LRFN5: variants seen among roughly 807,000 people sequenced by gnomAD.
LRFN5 encodes leucine-rich repeat and fibronectin type-III domain-containing protein 5.
In LRFN5, 24 loss-of-function variants were observed where a neutral mutation model predicts 45.6. The observed-to-expected ratio is 0.53, with a 90% CI of 0.38 to 0.74. The LOEUF (loss-of-function observed/expected upper bound fraction) is 0.74, where lower values mean the gene tolerates loss of function less well. Ranked by LOEUF, LRFN5 falls within the 30% of genes least tolerant of loss-of-function variation. The pLI is 0.00. For synonymous variants in LRFN5, 340 were observed against 313.8 expected, an observed-to-expected ratio of 1.08 and a Z score of -0.88; for missense variants, 776 against 861.5, an observed-to-expected ratio of 0.90 and a Z score of 1.24.
chr14:41,757,521 T>G (rs1480253568), intron 1 of LRFN5, among the ~76,000 whole-genome samples: 5 of 152,170 alleles, frequency 3.3e-5, no homozygotes, highest in Admixed American at 3.3e-4. Context: ...GTGCTAGCAA[T>G]GAGTGAGGCT....
intron 4 of LRFN5, chr14:41,893,043 C>T (rs1890835030): frequency 3.0e-6 from 3 of 984,420 alleles, no homozygotes; most frequent in Admixed American, 6.2e-5. Context: ...TCATAAAAGT[C>T]ATTGCTCATT....
At chr14:41,654,457 T>C (rs1355000775) in intron 1 of LRFN5, among the ~76,000 whole-genome samples, 1 of 151,892 alleles carries the variant, frequency 6.6e-6, no homozygotes, top group Non-Finnish European at 1.5e-5. Context: ...ATTAAATCCA[T>C]AGGAAACTGG....
chr14:41,886,544 G>T, intron 2 of LRFN5, 62 bp from the exon 3 acceptor site: 1 of 1,051,564 alleles, frequency 9.5e-7, no homozygotes. Context: ...TATTCTAGTA[G>T]GAATATGAAT....
chr14:41,625,435 T>G (rs963435934), intron 1 of LRFN5, among the ~76,000 whole-genome samples: 1 of 152,236 alleles, frequency 6.6e-6, no homozygotes, highest in Non-Finnish European at 1.5e-5. Context: ...CGGTTGTAAG[T>G]TTCCTGAAAG....
chr14:41,872,954 A>G (rs1385844727), intron 2 of LRFN5, among the ~76,000 whole-genome samples: 2 of 152,214 alleles, frequency 1.3e-5, no homozygotes, highest in African/African-American at 4.8e-5. Context: ...TTTTTTCACT[A>G]AACTTTTGTC....
Position 41,620,365 on chromosome 14 carries a change from G to A in LRFN5, c.-197+11803G>A, listed in dbSNP as rs533469131. On this transcript the variant is annotated intron_variant, in intron 1 of 5. Coordinates refer to ENST00000298119, the MANE Select transcript of LRFN5 (RefSeq NM_152447.5). ...AGGGTTTTGAAGTAACTTAATTTGGGAAATCTTTTAAAGAAAAAATTATGT... is the reference window on the plus strand; with the variant it reads ...AGGGTTTTGAAGTAACTTAATTTGGAAAATCTTTTAAAGAAAAAATTATGT... 4.6e-5 allele frequency among the ~76,000 whole-genome samples: 7 copies of A among 152,118 alleles called. No individual in the cohort carries two copies. In the East Asian group the frequency reaches 1.4e-3, roughly 29 times the overall value.
intron 2 of LRFN5, among the ~76,000 whole-genome samples, chr14:41,831,309 C>T (rs1888472031): frequency 6.6e-6 from 1 of 152,132 alleles, no homozygotes; most frequent in Admixed American, 6.5e-5. Context: ...ACTACTAACA[C>T]ATTTTATGAA....
At chr14:41,829,854 TTTTC>T (rs1313861397) in intron 2 of LRFN5, among the ~76,000 whole-genome samples, 6 of 151,658 alleles carry the variant, frequency 4.0e-5, no homozygotes, top group Admixed American at 3.9e-4. Context: ...TCTCAAATTA[TTTTC>T]TTTGTCTCTT....
chr14:41,757,159 C>G (rs1009135203), intron 1 of LRFN5, among the ~76,000 whole-genome samples: 1 of 152,186 alleles, frequency 6.6e-6, no homozygotes, highest in Non-Finnish European at 1.5e-5. Flanking sequence ...AGGTGTCAGT[C>G]TGCCCCTACT....
At chr14:41,652,239 C>T (rs192740396) in intron 1 of LRFN5, among the ~76,000 whole-genome samples, 40 of 151,952 alleles carry the variant, frequency 2.6e-4, no homozygotes, top group African/African-American at 9.6e-4. Flanking sequence ...AATCTTTCAA[C>T]ATCATATTTT....
At chr14:41,675,357 T>A (rs1881572198) in intron 1 of LRFN5, among the ~76,000 whole-genome samples, 1 of 152,196 alleles carries the variant, frequency 6.6e-6, no homozygotes, top group African/African-American at 2.4e-5. Flanking sequence ...TCCCGGCACC[T>A]CGGGAGGCCG....
In LRFN5 at chr14:41,776,474, T is replaced by C. The variant is rs182710060; in HGVS notation, c.-21+9445T>C. ...GAATAACACAGAGATAATTTTTTAA[T>C]ATAATGACACAGTTATCATTTCACA... On this transcript the variant is annotated intron_variant, in intron 2 of 5. Transcript: ENST00000298119. 7.2e-5 allele frequency among the ~76,000 whole-genome samples: 11 copies of C among 152,276 alleles called. No individual in the cohort carries two copies. The East Asian group carries it at 1.9e-3, about 27-fold the overall frequency.
At chr14:41,697,108 A>G (rs1437645020) in intron 1 of LRFN5, among the ~76,000 whole-genome samples, 3 of 151,772 alleles carry the variant, frequency 2.0e-5, no homozygotes, top group Non-Finnish European at 2.9e-5. Flanking sequence ...GTTAAGTATT[A>G]TTTTTCTTCA....
intron 2 of LRFN5, among the ~76,000 whole-genome samples, chr14:41,859,879 T>A (rs921117478): frequency 2.0e-5 from 3 of 152,212 alleles, no homozygotes; most frequent in African/African-American, 7.2e-5. Flanking sequence ...GCCAGGTTTC[T>A]TATACATAAT....
At chr14:41,829,957 A>G (rs1402601197) in intron 2 of LRFN5, among the ~76,000 whole-genome samples, 2 of 151,272 alleles carry the variant, frequency 1.3e-5, no homozygotes, top group African/African-American at 2.4e-5. Flanking sequence ...ATTTATCTCT[A>G]ATTGTATTAC....
At chr14:41,895,457 C>G (rs1317973324) in intron 4 of LRFN5, among the ~76,000 whole-genome samples, 2 of 151,898 alleles carry the variant, frequency 1.3e-5, no homozygotes, top group African/African-American at 4.8e-5. Context: ...AACCCTGTCA[C>G]TAGTAAAAAC....
intron 2 of LRFN5, among the ~76,000 whole-genome samples, chr14:41,852,731 C>T (rs12884688): frequency 0.34 from 51,128 of 151,668 alleles, 9,665 homozygotes; most frequent in Non-Finnish European, 0.43. Context: ...GCTTCAAAAA[C>T]GTCTATGCTA....
At chr14:41,659,641 TG>T (rs1159353730) in intron 1 of LRFN5, among the ~76,000 whole-genome samples, 1 of 152,176 alleles carries the variant, frequency 6.6e-6, no homozygotes, top group Non-Finnish European at 1.5e-5. Context: ...TCTCCCACAA[TG>T]TTTGAACTAA....
At chr14:41,745,088 C>T (rs751145304) in intron 1 of LRFN5, among the ~76,000 whole-genome samples, 2 of 152,048 alleles carry the variant, frequency 1.3e-5, no homozygotes, top group South Asian at 2.1e-4. Context: ...TTCTCAAGTT[C>T]ACCCAAGACA....
Sources: allele counts gnomAD v4.1 joint callset (sites outside exome capture counted in the v4.1 genomes callset), GRCh38; gene constraint gnomAD v4.1.1; transcripts MANE v1.5; gene names NCBI Gene and HGNC (gene_info 2026-07-23, HGNC 2026-07-21).